Variants in ZNF726 observed in about 807,000 individuals in gnomAD.
ZNF726 encodes the protein zinc finger protein 92 pseudogene 3.
Under a neutral mutation model 11.6 loss-of-function variants are expected in ZNF726, and 15 were observed. That is an observed-to-expected ratio of 1.29 (90% CI 0.86 to 1.99). ZNF726 has a LOEUF of 1.99. ZNF726 is among the 30% of genes most tolerant of loss of function. The pLI is 0.00. For synonymous variants in ZNF726, 295 were observed against 243.6 expected (o/e 1.21, Z -1.96); for missense variants, 890 against 725.6 (o/e 1.23, Z -2.60).
intron 3 of ZNF726, among the ~76,000 whole-genome samples, chr19:23,941,125 T>G (rs1391868178): frequency 6.6e-6 from 1 of 152,226 alleles, no homozygotes; most frequent in Non-Finnish European, 1.5e-5. Context: ...TTGTCATAGA[T>G]AGCTTTTATT....
Position 23,934,382 on chromosome 19 carries a change from C to G in ZNF726, c.*415C>G, listed in dbSNP as rs1373453295. 2 of 512,956 alleles carry G rather than the reference C, an allele frequency of 3.9e-6. No individual in the cohort carries two copies. Among genetic ancestry groups the G allele is most frequent in the African/African-American group, 3.9e-5 (2 of 51,280 alleles). The allele number at this position is 512,956 out of a possible 1,614,324, so 31.8% of individuals were successfully genotyped here. A position where few individuals can be genotyped will look rare whatever the true frequency, so the allele number is the denominator to read the frequency against. On this transcript the variant is annotated 3_prime_UTR_variant, in exon 4 of 4. Coordinates refer to ENST00000594466, the MANE Select transcript of ZNF726 (RefSeq NM_001244038.2). The stretch of plus-strand genomic sequence containing the variant: ...TAAAGTAATTCATACTGAAGAGAAA[C>G]CCTACAAATGTGAAAAATGTGTCAA...
In ZNF726 at chr19:23,915,553, TTTG is replaced by T. The variant is rs201307311; in HGVS notation, c.3+562_3+564del. ...ATTGGCTAGGTACGGTTATGTAGATTTTGTTGTTATTTTGTTGTTGTTGTTTTG... is the reference window on the plus strand; with the variant it reads ...ATTGGCTAGGTACGGTTATGTAGATTTTGTTATTTTGTTGTTGTTGTTTTG... On this transcript the variant is annotated intron_variant, in intron 1 of 3. Coordinates refer to ENST00000594466, the MANE Select transcript of ZNF726 (RefSeq NM_001244038.2). 6.8e-3 allele frequency among the ~76,000 whole-genome samples: 1,041 copies of T among 152,140 alleles called. 13 individuals are homozygous for T. Among genetic ancestry groups the T allele is most frequent in the African/African-American group, 0.024 (982 of 41,504 alleles).
intron 4 of ZNF726, chr19:23,943,626 C>G (rs920303187): frequency 5.2e-6 from 3 of 573,228 alleles, no homozygotes; most frequent in African/African-American, 3.7e-5. Flanking sequence ...ACACAGATGA[C>G]AGGTTCAAAG....
intron 3 of ZNF726, among the ~76,000 whole-genome samples, chr19:23,931,567 A>G (rs901155887): frequency 6.6e-6 from 1 of 152,262 alleles, no homozygotes; most frequent in Middle Eastern, 3.4e-3. Context: ...TTTTGTATAT[A>G]TTATAAGCTT....
At chr19:23,937,230 A>G (rs9676445), downstream of ZNF726, among the ~76,000 whole-genome samples, 34,117 of 143,208 alleles carry the variant, frequency 0.24, 4,225 homozygotes, top group African/African-American at 0.27. Flanking sequence ...CTGGCCGGGC[A>G]GGGGGCTGAC....
chr19:23,932,037 T>G (rs985400102), intron 3 of ZNF726, among the ~76,000 whole-genome samples: 1 of 152,250 alleles, frequency 6.6e-6, no homozygotes, highest in Non-Finnish European at 1.5e-5. Context: ...CACTATGTTA[T>G]AGTGGGAAGC....
At chr19:23,942,064 T>C (rs1968347057) in intron 3 of ZNF726, among the ~76,000 whole-genome samples, 2 of 152,154 alleles carry the variant, frequency 1.3e-5, no homozygotes, top group African/African-American at 4.8e-5. Flanking sequence ...CCTTAGATTG[T>C]CTGTGCTCTT....
rs1325873166 is a variant in ZNF726 at position 23,932,645 on chromosome 19, A to T, written c.529A>T (p.Asn177Tyr). 9 of 1,566,490 alleles carry T rather than the reference A, an allele frequency of 5.7e-6. No homozygotes were observed. The highest frequency in any genetic ancestry group is 7.8e-6 in the Non-Finnish European group (9 of 1,158,342). Residue 177 changes from asparagine to tyrosine, a missense_variant, in exon 4 of 4, where the codon AAT becomes TAT. By Grantham distance (143) the Asn-to-Tyr change is moderately radical. Transcript: ENST00000594466. ...HTRKKPFKCK[N>Y]CVKSFCMFSH... The stretch of plus-strand genomic sequence containing the variant: ...TAGAAAGAAACCTTTCAAATGTAAA[A>T]ATTGTGTCAAATCATTTTGCATGTT...
chr19:23,922,028 C>T (rs978159303), intron 3 of ZNF726, among the ~76,000 whole-genome samples: 1 of 152,076 alleles, frequency 6.6e-6, no homozygotes, highest in East Asian at 1.9e-4. Flanking sequence ...TTCGTTGTAC[C>T]CCCAGGGTGA....
downstream of ZNF726, chr19:23,935,555 G>A: frequency 2.9e-6 from 1 of 346,404 alleles, no homozygotes; most frequent in Non-Finnish European, 5.7e-6. Context: ...AAATCTGAAA[G>A]ATGTGCCCAG....
chr19:23,916,677 T>A (rs929931350), intron 1 of ZNF726, among the ~76,000 whole-genome samples: 1 of 152,066 alleles, frequency 6.6e-6, no homozygotes, highest in African/African-American at 2.4e-5. Flanking sequence ...TTTACAATGA[T>A]TTTTTTTCTA....
intron 3 of ZNF726, among the ~76,000 whole-genome samples, chr19:23,931,990 A>G (rs1420937191): frequency 1.3e-5 from 2 of 152,220 alleles, no homozygotes; most frequent in Non-Finnish European, 2.9e-5. Context: ...CTTTCTTTTA[A>G]AACAGAAATG....
chr19:23,934,487 G>A (rs911883077), downstream of ZNF726: 4 of 380,460 alleles, frequency 1.1e-5, no homozygotes, highest in African/African-American at 6.4e-5. Flanking sequence ...TGAAGAATGT[G>A]GGAAATCTTT....
chr19:23,915,118 T>A, intron 1 of ZNF726, 121 bp downstream of exon 1: 1 of 1,477,100 alleles, frequency 6.8e-7, no homozygotes, highest in Non-Finnish European at 9.4e-7. Flanking sequence ...GCCCGAGTTG[T>A]TGCCCAGCTC....
chr19:23,923,357 G>T, intron 3 of ZNF726: 1 of 395,192 alleles, frequency 2.5e-6, no homozygotes, highest in Non-Finnish European at 4.8e-6. Context: ...TCCTATTTAT[G>T]ATTGTACTGC....
At chr19:23,940,854 T>G (rs1395984114) in intron 3 of ZNF726, among the ~76,000 whole-genome samples, 1 of 152,188 alleles carries the variant, frequency 6.6e-6, no homozygotes, top group East Asian at 1.9e-4. Context: ...CAGAAACTGC[T>G]GAATTCTTTT....
In ZNF726 at chr19:23,943,123, C is replaced by T. The variant is rs556134741; in HGVS notation, c.227-371C>T. ...GCAACCTCCACCTCCCAGGTTCAAG[C>T]GATTCTCCTGCCTCAGCCTTCTGAG... On this transcript the variant is annotated intron_variant, in intron 3 of 4. Coordinates refer to the ZNF726 transcript ENST00000334589. Among the ~76,000 whole-genome samples the T allele has an allele frequency of 6.2e-4, 94 of 152,228 alleles. 1 individual carries two copies. The Middle Eastern group carries it at 0.017, about 28-fold the overall frequency.
At chr19:23,930,974 CT>C (rs1390508960) in intron 3 of ZNF726, among the ~76,000 whole-genome samples, 1 of 152,002 alleles carries the variant, frequency 6.6e-6, no homozygotes, top group Middle Eastern at 3.4e-3. Context: ...ATTTTTCCTT[CT>C]TTTTTTCTTT....
downstream of ZNF726, among the ~76,000 whole-genome samples, chr19:23,936,692 TATC>T (rs1348066355): frequency 2.0e-5 from 3 of 149,996 alleles, no homozygotes; most frequent in South Asian, 2.1e-4. Context: ...TTTTATGCAT[TATC>T]ATGAAAGAAA....
Sources: gnomAD v4.1 joint callset for allele counts (sites outside exome capture counted in the v4.1 genomes callset) on GRCh38, gnomAD v4.1.1 for gene constraint, MANE v1.5 for transcripts, NCBI Gene and HGNC (gene_info 2026-07-23, HGNC 2026-07-21) for gene names.